Variants in DICER1 observed in about 807,000 individuals in gnomAD.
DICER1 encodes dicer 1, ribonuclease III.
Under a neutral mutation model 194.1 loss-of-function variants are expected in DICER1, and 43 were observed. The observed-to-expected ratio is 0.22, with a 90% CI of 0.17 to 0.29. The LOEUF (loss-of-function observed/expected upper bound fraction) is 0.29. Ranked by LOEUF, DICER1 falls within the 10% of genes least tolerant of loss-of-function variation. DICER1 has a pLI of 1.00. For synonymous variants in DICER1, 832 were observed against 820.5 expected (o/e 1.01, Z -0.24); for missense variants, 1,608 against 2,317.0 (o/e 0.69, Z 6.28).
At position 95,106,140 on chromosome 14, in the gene DICER1, G is replaced by A. The variant is rs917082902; in HGVS notation, c.2888C>T (p.Pro963Leu). 3 of 1,613,932 alleles carry A rather than the reference G, an allele frequency of 1.9e-6. No homozygotes were observed. Among genetic ancestry groups the A allele is most frequent in the African/African-American group, 2.7e-5 (2 of 74,912 alleles). Residue 963 changes from proline to leucine, a missense_variant, in exon 18 of 27, where the codon CCT (proline) becomes CTT (leucine). This residue lies in a region of DICER1 where 79 missense variants were observed against 176.1 expected (regional missense o/e 0.45). Transcript: ENST00000343455. ...ATATTCTGCAAAAGTTTCATACTCA[G>A]GGGAAGGAAATTTACTGAGTGGGGT... ...DLTPLSKFPS[P>L]EYETFAEYYK... is the part of the protein sequence containing the mutation.
chr14:95,090,954 T>C lies in DICER1; in HGVS notation c.5603+80A>G, dbSNP rs1009781058. 9.7e-5 allele frequency: 127 copies of C among 1,315,972 alleles called. 1 individual carries two copies. The Admixed American group carries it at 2.2e-3, about 22-fold the overall frequency. The allele number at this position is 1,315,972 out of a possible 1,614,324, so 81.5% of individuals were successfully genotyped here. ...ACAGTGTAAATATTTTTCAGAATCA[T>C]TAGTTTACAATATCTTTGTGAACTT... On this transcript the variant is annotated intron_variant, in intron 26 of 26. Transcript: ENST00000343455.
Position 95,129,567 on chromosome 14 carries a change from T to C in DICER1, c.639A>G (p.Lys213=), listed in dbSNP as rs370474705. Reference sequence around the variant, plus strand: ...TTTCTTCCAATTCCTCTGGATCACATTTCCCATTTAAAATGGAAGCAGTTA... The same window carrying C: ...TTTCTTCCAATTCCTCTGGATCACACTTCCCATTTAAAATGGAAGCAGTTA... ...LGLTASILNG[K]CDPEELEEKI... The change falls in exon 6 of 27, where the codon AAA becomes AAG. Residue 213 remains lysine, a synonymous_variant. Transcript: ENST00000343455. 3 of 1,613,756 alleles carry C rather than the reference T, an allele frequency of 1.9e-6. No individual in the cohort carries two copies. The highest frequency in any genetic ancestry group is 2.5e-6 in the Non-Finnish European group (3 of 1,179,872).
intron 1 of DICER1, among the ~76,000 whole-genome samples, chr14:95,150,328 A>C (rs1895433087): frequency 6.6e-6 from 1 of 152,140 alleles, no homozygotes; most frequent in Non-Finnish European, 1.5e-5. Flanking sequence ...CACTTAAAAA[A>C]TACAAAAATT....
chr14:95,087,782 G>A lies in DICER1; in HGVS notation c.*2716C>T, dbSNP rs1595301966. On this transcript the variant is annotated 3_prime_UTR_variant, in exon 27 of 27. Transcript: ENST00000343455. ...TTCTGCAGTTGCTTTTTCAAGACAC[G>A]CCTCCCCAGTCCTTTACACACGTGC... The A allele has an allele frequency of 8.6e-5, 20 of 232,938 alleles. No homozygotes were observed. The East Asian group carries it at 1.1e-3, about 13-fold the overall frequency. The allele number at this position is 232,938 out of a possible 1,614,324, so 14.4% of individuals were successfully genotyped here.
chr14:95,157,690 G>C (rs907629799), upstream of DICER1: 1 of 152,434 alleles, frequency 6.6e-6, no homozygotes, highest in African/African-American at 2.4e-5. Context: ...AGGCCGGAGA[G>C]GCGTTTGCGG....
chr14:95,117,652 C>T lies in DICER1; in HGVS notation c.1479G>A (p.Gln493=). 1 of 1,614,102 alleles carries T rather than the reference C, an allele frequency of 6.2e-7. No individual in the cohort carries two copies. Among genetic ancestry groups the T allele is most frequent in the Non-Finnish European group, 8.5e-7 (1 of 1,179,974 alleles). ...GIGKNQPRNK[Q]MEAEFRKQEE... is the part of the protein sequence containing the mutation. ...CCTGTTTTCTGAATTCTGCTTCCAT[C>T]TGTTTGTTGCGAGGCTGATTCTTCC... Residue 493 remains glutamine, a synonymous_variant, in exon 9 of 27, where the codon CAG becomes CAA. Transcript: ENST00000343455.
At chr14:95,157,970 G>T (rs767498647), upstream of DICER1, 2 of 152,202 alleles carry the variant, frequency 1.3e-5, no homozygotes, top group Non-Finnish European at 2.9e-5. Flanking sequence ...AGTGGTGCAG[G>T]GGCCTCCGCA....
chr14:95,106,927 C>A (rs1406843004), intron 17 of DICER1, among the ~76,000 whole-genome samples: 1 of 152,170 alleles, frequency 6.6e-6, no homozygotes, highest in Non-Finnish European at 1.5e-5. Flanking sequence ...AGCCTATCAA[C>A]ATTAGATTAT....
chr14:95,097,819 C>G (rs1890498832), intron 22 of DICER1, among the ~76,000 whole-genome samples: 1 of 152,148 alleles, frequency 6.6e-6, no homozygotes, highest in African/African-American at 2.4e-5. Flanking sequence ...CAAGCCATAT[C>G]TCTAACTATT....
intron 1 of DICER1, among the ~76,000 whole-genome samples, chr14:95,142,030 T>A (rs888435419): frequency 2.6e-5 from 4 of 152,230 alleles, no homozygotes; most frequent in African/African-American, 9.6e-5. Context: ...ACTTAAACAC[T>A]ATGATAAATC....
chr14:95,101,068 G>GT (rs1890835729), intron 21 of DICER1, among the ~76,000 whole-genome samples: 1 of 152,202 alleles, frequency 6.6e-6, no homozygotes, highest in Non-Finnish European at 1.5e-5. Flanking sequence ...GACAGAAATG[G>GT]TGGGCAGGAT....
intron 11 of DICER1, among the ~76,000 whole-genome samples, chr14:95,113,607 GT>G (rs928519420): frequency 3.9e-5 from 6 of 152,224 alleles, no homozygotes; most frequent in African/African-American, 1.4e-4. Context: ...TACTGCCAAT[GT>G]TTTTTCCTTA....
intron 10 of DICER1, among the ~76,000 whole-genome samples, chr14:95,116,054 CACAG>C (rs1277427364): frequency 6.9e-6 from 1 of 145,128 alleles, no homozygotes; most frequent in Non-Finnish European, 1.5e-5. Context: ...ACCGTGCCTA[CACAG>C]ACACACACAC....
rs1891323920 is a variant in DICER1 at position 95,105,352 on chromosome 14, A to G, written c.3094-106T>C. ...GATAAAGAAAATCATAAATGCTAGT[A>G]AAACTTAATTTTAAAAAATATTTGT... On this transcript the variant is annotated intron_variant, in intron 19 of 26. Coordinates refer to ENST00000343455, the MANE Select transcript of DICER1 (RefSeq NM_177438.3). The surrounding 1 kb of genome is among the most constrained non-coding windows in gnomAD (Gnocchi z 4.9). 9.4e-7 allele frequency: 1 copy of G among 1,065,914 alleles called. No individual in the cohort carries two copies. Among genetic ancestry groups the G allele is most frequent in the Non-Finnish European group, 1.4e-6 (1 of 703,558 alleles). 66.0% of individuals were successfully genotyped at this position (1,065,914 alleles called of 1,614,324 possible). A position where few individuals can be genotyped will look rare whatever the true frequency, so the allele number is the denominator to read the frequency against.
chr14:95,089,295 T>C lies in DICER1; in HGVS notation c.*1203A>G. On this transcript the variant is annotated 3_prime_UTR_variant, in exon 27 of 27. Coordinates refer to ENST00000343455, the MANE Select transcript of DICER1 (RefSeq NM_177438.3). ...CAGATGTATCAAAATTACGGCAGTT[T>C]ATCGCAAACGTTAAACTTTCACGGC... The C allele has an allele frequency of 4.3e-6, 1 of 233,148 alleles. No individual in the cohort carries two copies. The highest frequency in any genetic ancestry group is 8.5e-6 in the Non-Finnish European group (1 of 118,004). 14.4% of individuals were successfully genotyped at this position (233,148 alleles called of 1,614,324 possible). A position where few individuals can be genotyped will look rare whatever the true frequency, so the allele number is the denominator to read the frequency against.
At chr14:95,092,326 C>A (rs1889918658) in intron 24 of DICER1, among the ~76,000 whole-genome samples, 1 of 152,056 alleles carries the variant, frequency 6.6e-6, no homozygotes, top group Non-Finnish European at 1.5e-5. Context: ...TTGGTTATTT[C>A]CGAGGTAGCA....
chr14:95,097,020 A>T (rs1381737847), intron 22 of DICER1, among the ~76,000 whole-genome samples: 1 of 152,218 alleles, frequency 6.6e-6, no homozygotes, highest in Admixed American at 6.5e-5. Flanking sequence ...TCCACAATGC[A>T]AAACTTCAAC....
rs1892599226 is a variant in DICER1 at position 95,117,671 on chromosome 14, T to C, written c.1460A>G (p.Asn487Ser). The C allele has an allele frequency of 6.2e-7, 1 of 1,614,132 alleles. No homozygotes were observed. Among genetic ancestry groups the C allele is most frequent in the African/African-American group, 1.3e-5 (1 of 75,060 alleles). ...NFITGHGIGK[N>S]QPRNKQMEAE... is the part of the protein sequence containing the mutation. ...TTCCATCTGTTTGTTGCGAGGCTGA[T>C]TCTTCCCAATGCCATGTCCAGTTAT... The change falls in exon 9 of 27, where the codon AAT becomes AGT. Residue 487 changes from asparagine to serine, a missense_variant. Asn to Ser is a conservative substitution (Grantham distance 46). Coordinates refer to ENST00000343455, the MANE Select transcript of DICER1 (RefSeq NM_177438.3).
intron 14 of DICER1, 83 bp downstream of exon 14, chr14:95,111,234 C>G: frequency 1.3e-6 from 2 of 1,556,284 alleles, no homozygotes; most frequent in Non-Finnish European, 1.8e-6. Context: ...GGGAAGCCAG[C>G]CAAGCAGAGG....
Sources: allele counts gnomAD v4.1 joint callset (sites outside exome capture counted in the v4.1 genomes callset), GRCh38; gene constraint gnomAD v4.1.1; regional missense constraint gnomAD v4.1.1; non-coding constraint Gnocchi (gnomAD v3.1); transcripts MANE v1.5; gene names NCBI Gene and HGNC (gene_info 2026-07-23, HGNC 2026-07-21).